SGK1: variants seen among roughly 807,000 people sequenced by gnomAD.
SGK1 encodes serine/threonine-protein kinase Sgk1.
SGK1 carries 26 observed loss-of-function variants against 64.2 expected under a neutral mutation model. The observed-to-expected ratio is 0.40, with a 90% CI of 0.30 to 0.56. SGK1 has a LOEUF of 0.56. Ranked by LOEUF, SGK1 falls within the 20% of genes least tolerant of loss-of-function variation. SGK1 has a pLI of 0.38. For synonymous variants in SGK1, 265 were observed against 239.7 expected (o/e 1.11, Z -0.98); for missense variants, 519 against 645.6 (o/e 0.80, Z 2.12).
intron 2 of SGK1, chr6:134,261,685 C>A: frequency 1.7e-6 from 1 of 599,268 alleles, no homozygotes; most frequent in Non-Finnish European, 3.0e-6. Flanking sequence ...TGGGGACAAG[C>A]GTATATGGGT....
At position 134,262,122 on chromosome 6, in the gene SGK1, C is replaced by G. The variant is rs1211913892; in HGVS notation, c.96G>C (p.Met32Ile). 3.1e-6 allele frequency: 5 copies of G among 1,593,538 alleles called. No homozygotes were observed. The African/African-American group carries it at 5.4e-5, about 17-fold the overall frequency. The change falls in exon 2 of 14, where the codon ATG becomes ATC. Residue 32 changes from methionine (M) to isoleucine (I), a missense_variant. By Grantham distance (10) the Met-to-Ile change is conservative (BLOSUM62 1). Around this residue, in one of 2 missense-constraint regions of SGK1, gnomAD observed 241 missense variants for 236.9 expected, o/e 1.02. Transcript: ENST00000367858. ...KRVRRWIKSP[M>I]VSVDKHQSPS... is the part of the protein sequence containing the mutation. ...GACTCTGATGCTTGTCCACACTGAC[C>G]ATTGGGCTCTTGATCCACCTTCGTA... is the stretch of plus-strand genomic sequence containing the variant.
chr6:134,278,602 G>A (rs1197189879), intron 1 of SGK1, among the ~76,000 whole-genome samples: 1 of 151,980 alleles, frequency 6.6e-6, no homozygotes, highest in African/African-American at 2.4e-5. Flanking sequence ...TTCTATTTCT[G>A]TATTCTATTT....
intron 3 of SGK1, among the ~76,000 whole-genome samples, chr6:134,183,055 A>C (rs1350413377): frequency 6.6e-6 from 1 of 152,174 alleles, no homozygotes; most frequent in African/African-American, 2.4e-5. Flanking sequence ...TGCTTTTTCT[A>C]GGTCAATAAG....
chr6:134,197,619 A>T (rs947830955), intron 3 of SGK1, among the ~76,000 whole-genome samples: 1 of 152,116 alleles, frequency 6.6e-6, no homozygotes, highest in African/African-American at 2.4e-5. Context: ...TGAGGTCAGG[A>T]GTTTGAGACC....
chr6:134,242,211 C>T (rs766976850), intron 2 of SGK1, among the ~76,000 whole-genome samples: 1 of 151,922 alleles, frequency 6.6e-6, no homozygotes, highest in Admixed American at 6.6e-5. Context: ...TAAGGCTGGG[C>T]GCGGTGGCTC....
At chr6:134,289,992 A>T (rs1206848867) in intron 1 of SGK1, among the ~76,000 whole-genome samples, 1 of 151,934 alleles carries the variant, frequency 6.6e-6, no homozygotes, top group African/African-American at 2.4e-5. Context: ...CTACTAAAAA[A>T]ATACAAAAAT....
rs548904675 is a variant in SGK1 at position 134,239,552 on chromosome 6, G to A, written c.285+22381C>T. Among the ~76,000 whole-genome samples the A allele has an allele frequency of 7.2e-5, 11 of 152,180 alleles. No homozygotes were observed. In the South Asian group the frequency reaches 1.4e-3, roughly 20 times the overall value. ...AGAGATTGGGCTACGCACATTTTAC[G>A]GCCCTTTTTAGTTCTAACATCCCAT... On this transcript the variant is annotated intron_variant, in intron 2 of 13. Transcript: ENST00000367858.
chr6:134,223,556 A>G (rs1324604304), intron 2 of SGK1, among the ~76,000 whole-genome samples: 1 of 152,206 alleles, frequency 6.6e-6, no homozygotes, highest in Non-Finnish European at 1.5e-5. Context: ...CATGAGAGGA[A>G]AAAATAGAAA....
At chr6:134,315,869 G>A (rs74902255) in intron 1 of SGK1, among the ~76,000 whole-genome samples, 1,629 of 151,968 alleles carry the variant, frequency 0.011, 44 homozygotes, top group African/African-American at 0.037. Context: ...GCAAGACCCC[G>A]TCTCTAAAAA....
At chr6:134,288,506 T>A (rs181498599) in intron 1 of SGK1, among the ~76,000 whole-genome samples, 1 of 152,314 alleles carries the variant, frequency 6.6e-6, no homozygotes, top group East Asian at 1.9e-4. Flanking sequence ...GGCTTTCTAA[T>A]GGGCAAAGAG....
At chr6:134,214,457 G>A (rs1465596021) in intron 2 of SGK1, among the ~76,000 whole-genome samples, 2 of 152,102 alleles carry the variant, frequency 1.3e-5, no homozygotes, top group African/African-American at 2.4e-5. Flanking sequence ...TGGGTGTGGT[G>A]GCGCATGCCT....
intron 3 of SGK1, chr6:134,176,115 G>A (rs778811760): frequency 7.2e-5 from 31 of 429,534 alleles, no homozygotes; most frequent in Non-Finnish European, 9.0e-5. Flanking sequence ...CAAGCGAAGG[G>A]AGGGGTAGCT....
chr6:134,195,139 A>G (rs1775577375), intron 3 of SGK1, among the ~76,000 whole-genome samples: 1 of 152,196 alleles, frequency 6.6e-6, no homozygotes, highest in African/African-American at 2.4e-5. Flanking sequence ...GAAATGAAAG[A>G]TCTTGGACAT....
chr6:134,189,067 C>G (rs1334388340), intron 3 of SGK1, among the ~76,000 whole-genome samples: 1 of 151,670 alleles, frequency 6.6e-6, no homozygotes, highest in Non-Finnish European at 1.5e-5. Flanking sequence ...TTTACAGACA[C>G]TTTTTATAAA....
chr6:134,184,933 C>T (rs1430221560), intron 3 of SGK1, among the ~76,000 whole-genome samples: 2 of 152,190 alleles, frequency 1.3e-5, no homozygotes, highest in Non-Finnish European at 2.9e-5. Context: ...GATCCGCACA[C>T]CTAAGCCTCC....
intron 1 of SGK1, among the ~76,000 whole-genome samples, chr6:134,279,733 GATT>G (rs1405399797): frequency 6.6e-6 from 1 of 152,086 alleles, no homozygotes; most frequent in African/African-American, 2.4e-5. Flanking sequence ...AGGAACTTCT[GATT>G]ATTATGCTTT....
chr6:134,184,777 G>A (rs897869180), intron 3 of SGK1, among the ~76,000 whole-genome samples: 9 of 152,060 alleles, frequency 5.9e-5, no homozygotes, highest in East Asian at 1.9e-4. Context: ...TCTGCCTCCC[G>A]GGCTCAAGCA....
At chr6:134,193,625 C>T (rs1775549279) in intron 3 of SGK1, among the ~76,000 whole-genome samples, 1 of 150,960 alleles carries the variant, frequency 6.6e-6, no homozygotes, top group Non-Finnish European at 1.5e-5. Flanking sequence ...TTCCTTCCTG[C>T]ACACTGAAGT....
intron 1 of SGK1, among the ~76,000 whole-genome samples, chr6:134,270,539 G>T (rs996652433): frequency 6.8e-6 from 1 of 148,094 alleles, no homozygotes; most frequent in African/African-American, 2.4e-5. Flanking sequence ...TCTTTAACAC[G>T]CAAGACCTAT....
Sources: allele counts gnomAD v4.1 joint callset (sites outside exome capture counted in the v4.1 genomes callset), GRCh38; gene constraint gnomAD v4.1.1; regional missense constraint gnomAD v4.1.1; transcripts MANE v1.5; gene names NCBI Gene and HGNC (gene_info 2026-07-23, HGNC 2026-07-21).